The following CDH13 variants were observed in gnomAD, a reference collection of about 807,000 sequenced individuals.
The protein encoded by CDH13 is cadherin 13.
In CDH13, 24 loss-of-function variants were observed where a neutral mutation model predicts 63.8. The ratio of observed to expected loss-of-function variants is 0.38; its 90% CI spans 0.27 to 0.53. The LOEUF is 0.53. Among genes scored for constraint, CDH13 ranks in the 20% least tolerant of loss-of-function variants. The pLI is 0.85. For missense variants in CDH13, 1,049 were observed against 903.1 expected, an observed-to-expected ratio of 1.16 and a Z score of -2.07; for synonymous variants, 503 against 355.3, an observed-to-expected ratio of 1.42 and a Z score of -4.67.
At chr16:83,116,628 G>A (rs1349350438) in intron 3 of CDH13, among the ~76,000 whole-genome samples, 2 of 152,236 alleles carry the variant, frequency 1.3e-5, no homozygotes, top group Non-Finnish European at 2.9e-5. Flanking sequence ...GTGGTAAAGT[G>A]GGAATGACTG....
chr16:83,159,821 T>G (rs1009510471), intron 4 of CDH13, among the ~76,000 whole-genome samples: 16 of 152,298 alleles, frequency 1.1e-4, no homozygotes, highest in African/African-American at 3.8e-4. Flanking sequence ...ATGTCTGTAA[T>G]CCTAGCACTT....
At chr16:83,140,204 C>G (rs1028758652) in intron 4 of CDH13, among the ~76,000 whole-genome samples, 1 of 152,202 alleles carries the variant, frequency 6.6e-6, no homozygotes, top group African/African-American at 2.4e-5. Flanking sequence ...TGCTGACAAG[C>G]CCAGCTCCAT....
At chr16:83,321,692 C>T (rs921254784) in intron 5 of CDH13, among the ~76,000 whole-genome samples, 9 of 152,128 alleles carry the variant, frequency 5.9e-5, no homozygotes, top group African/African-American at 1.9e-4. Context: ...CCATGCCCAG[C>T]TAATTTTTTG....
intron 1 of CDH13, among the ~76,000 whole-genome samples, chr16:82,855,818 T>G (rs2039660149): frequency 6.6e-6 from 1 of 152,190 alleles, no homozygotes; most frequent in East Asian, 1.9e-4. Flanking sequence ...GTGAACCTCC[T>G]GAGATTGATT....
At chr16:83,769,644 G>A (rs1914629735) in intron 11 of CDH13, among the ~76,000 whole-genome samples, 2 of 152,180 alleles carry the variant, frequency 1.3e-5, no homozygotes, top group Admixed American at 1.3e-4. Flanking sequence ...GCCTTCCTGG[G>A]CAGAAATAAG....
At chr16:83,764,294 A>G (rs73243557) in intron 11 of CDH13, among the ~76,000 whole-genome samples, 317 of 152,288 alleles carry the variant, frequency 2.1e-3, no homozygotes, top group African/African-American at 6.9e-3. Context: ...ATTAGCCAGA[A>G]AAGGTGTCCT....
At chr16:83,648,307 C>G (rs527986114) in intron 8 of CDH13, among the ~76,000 whole-genome samples, 1 of 152,330 alleles carries the variant, frequency 6.6e-6, no homozygotes, top group African/African-American at 2.4e-5. Context: ...CCCAGGAGAA[C>G]TTTCCATATG....
In CDH13 at chr16:82,658,502, C is replaced by T. The variant is rs929146094; in HGVS notation, c.45+31365C>T. Among the ~76,000 whole-genome samples the T allele has an allele frequency of 5.9e-5, 9 of 152,308 alleles. No homozygotes were observed. The South Asian group carries it at 8.3e-4, about 14-fold the overall frequency. ...ACCTGTCTCAAGAGAGAAAGTAGCT[C>T]AGTGGTTAAGACTGGAGTCAGGCTG... On this transcript the variant is annotated intron_variant, in intron 1 of 13. Coordinates refer to ENST00000567109, the MANE Select transcript of CDH13 (RefSeq NM_001257.5).
intron 1 of CDH13, among the ~76,000 whole-genome samples, chr16:82,731,462 T>A (rs1311351662): frequency 6.6e-6 from 1 of 152,240 alleles, no homozygotes; most frequent in Non-Finnish European, 1.5e-5. Context: ...GCTGTTACAT[T>A]GTATATTGCC....
chr16:83,364,501 C>G (rs371729495), intron 6 of CDH13, among the ~76,000 whole-genome samples: 5 of 152,240 alleles, frequency 3.3e-5, no homozygotes, highest in African/African-American at 1.2e-4. Flanking sequence ...TCACAACTTC[C>G]CTTCACATCT....
intron 1 of CDH13, among the ~76,000 whole-genome samples, chr16:82,716,100 A>G (rs1396556443): frequency 6.6e-6 from 1 of 152,216 alleles, no homozygotes; most frequent in Non-Finnish European, 1.5e-5. Context: ...AGGACACAGA[A>G]GGGCAGGCTG....
chr16:83,030,206 A>G (rs1916177948), intron 2 of CDH13, among the ~76,000 whole-genome samples: 1 of 152,152 alleles, frequency 6.6e-6, no homozygotes, highest in Non-Finnish European at 1.5e-5. Context: ...TCTCCATATC[A>G]GCACCACTGC....
At chr16:83,432,753 C>T (rs975168254) in intron 6 of CDH13, among the ~76,000 whole-genome samples, 1 of 152,148 alleles carries the variant, frequency 6.6e-6, no homozygotes, top group African/African-American at 2.4e-5. Context: ...GCAGCTGGGT[C>T]TCTGAGATGC....
chr16:83,017,670 A>T (rs934225339), intron 2 of CDH13, among the ~76,000 whole-genome samples: 1 of 152,216 alleles, frequency 6.6e-6, no homozygotes, highest in African/African-American at 2.4e-5. Flanking sequence ...TATATGATAG[A>T]CATCAAACAT....
rs61135235 is a variant in CDH13 at position 83,756,237 on chromosome 16, A to G, written c.1681+7987A>G. On this transcript the variant is annotated intron_variant, in intron 11 of 13. Transcript: ENST00000567109. Reference sequence around the variant, plus strand: ...AGAACAACAAGGTGATACAGTAAGTATATACCTAATTATACCACAGTAAAA... The same window carrying G: ...AGAACAACAAGGTGATACAGTAAGTGTATACCTAATTATACCACAGTAAAA... 4.4e-3 allele frequency among the ~76,000 whole-genome samples: 667 copies of G among 152,372 alleles called. 6 individuals are homozygous for G. Among genetic ancestry groups the G allele is most frequent in the African/African-American group, 0.015 (640 of 41,594 alleles).
chr16:83,204,490 C>G (rs1269651006), intron 4 of CDH13, among the ~76,000 whole-genome samples: 2 of 152,166 alleles, frequency 1.3e-5, no homozygotes, highest in Non-Finnish European at 2.9e-5. Flanking sequence ...TAAGCATTTC[C>G]TATGTCTCAG....
chr16:82,698,768 C>G (rs958867395), intron 1 of CDH13, among the ~76,000 whole-genome samples: 1 of 152,150 alleles, frequency 6.6e-6, no homozygotes, highest in Admixed American at 6.5e-5. Context: ...CAATCTATTA[C>G]AGGAAGCCAA....
intron 2 of CDH13, among the ~76,000 whole-genome samples, chr16:82,973,461 C>G (rs534162579): frequency 6.6e-5 from 10 of 152,330 alleles, no homozygotes; most frequent in African/African-American, 2.2e-4. Context: ...TTCAATTTAA[C>G]AAAACACATA....
At chr16:83,098,037 G>A (rs2034291574) in intron 3 of CDH13, among the ~76,000 whole-genome samples, 1 of 152,168 alleles carries the variant, frequency 6.6e-6, no homozygotes, top group South Asian at 2.1e-4. Context: ...AGGAAAGAAG[G>A]CAAGTTAGGA....
Sources: allele counts gnomAD v4.1 joint callset (sites outside exome capture counted in the v4.1 genomes callset), GRCh38; gene constraint gnomAD v4.1.1; transcripts MANE v1.5; gene names NCBI Gene and HGNC (gene_info 2026-07-23, HGNC 2026-07-21).